RBFOX1: variants seen among roughly 807,000 people sequenced by gnomAD.
The protein encoded by RBFOX1 is RNA binding protein fox-1 homolog 1.
In RBFOX1, 8 loss-of-function variants were observed where a neutral mutation model predicts 57.7. The observed-to-expected ratio is 0.14, with a 90% CI of 0.08 to 0.25. The LOEUF is 0.25. Ranked by LOEUF, RBFOX1 falls within the 10% of genes least tolerant of loss-of-function variation. The pLI, the probability that RBFOX1 is intolerant of heterozygous loss-of-function variation, is 1.00. For synonymous variants in RBFOX1, 326 were observed against 222.4 expected, an observed-to-expected ratio of 1.47 and a Z score of -4.15; for missense variants, 611 against 548.5, an observed-to-expected ratio of 1.11 and a Z score of -1.14.
chr16:6,504,263 T>C (rs1230548254), intron 2 of RBFOX1, among the ~76,000 whole-genome samples: 1 of 152,172 alleles, frequency 6.6e-6, no homozygotes, highest in Admixed American at 6.5e-5. Flanking sequence ...TTCTCCACAG[T>C]CCACCTGTTG....
chr16:6,987,107 G>T (rs74010423), intron 3 of RBFOX1, among the ~76,000 whole-genome samples: 5,389 of 152,176 alleles, frequency 0.035, 333 homozygotes, highest in African/African-American at 0.12. Flanking sequence ...CCATTTATCA[G>T]CGTCTTGTGT....
chr16:5,319,000 G>A (rs1357352322), intron 1 of RBFOX1, among the ~76,000 whole-genome samples: 5 of 152,156 alleles, frequency 3.3e-5, no homozygotes, highest in East Asian at 1.9e-4. Context: ...GGTGGCGTGC[G>A]CCTGTAGTCC....
intron 3 of RBFOX1, among the ~76,000 whole-genome samples, chr16:5,836,694 G>T (rs1049863440): frequency 6.6e-6 from 1 of 152,122 alleles, no homozygotes; most frequent in Non-Finnish European, 1.5e-5. Context: ...TGTCCTGTGT[G>T]TTGTAGGATG....
At chr16:6,314,126 C>G (rs1049731646) in intron 1 of RBFOX1, among the ~76,000 whole-genome samples, 1 of 152,004 alleles carries the variant, frequency 6.6e-6, no homozygotes, top group Non-Finnish European at 1.5e-5. Flanking sequence ...TACGGTAGCA[C>G]CAAAGAAGGC....
At chr16:5,974,788 C>T (rs539330235) in intron 4 of RBFOX1, among the ~76,000 whole-genome samples, 6 of 152,208 alleles carry the variant, frequency 3.9e-5, no homozygotes, top group African/African-American at 1.4e-4. Context: ...GTGGGAGGAT[C>T]ACCTGAGGTC....
chr16:7,031,863 G>T (rs2042887721), intron 3 of RBFOX1, among the ~76,000 whole-genome samples: 1 of 152,160 alleles, frequency 6.6e-6, no homozygotes, highest in Non-Finnish European at 1.5e-5. Context: ...CACACAGGGA[G>T]CTCCACTACC....
At chr16:5,272,445 C>G (rs1254647139) in intron 1 of RBFOX1, among the ~76,000 whole-genome samples, 1 of 152,208 alleles carries the variant, frequency 6.6e-6, no homozygotes, top group African/African-American at 2.4e-5. Context: ...CTCAGGCCCA[C>G]AGAGTCCTTG....
chr16:7,309,388 A>T (rs1442147937), intron 4 of RBFOX1, among the ~76,000 whole-genome samples: 1 of 152,190 alleles, frequency 6.6e-6, no homozygotes, highest in Non-Finnish European at 1.5e-5. Context: ...ACTTAATCCA[A>T]CAATCACTTC....
chr16:5,364,641 T>C (rs952145736), intron 1 of RBFOX1, among the ~76,000 whole-genome samples: 1 of 152,234 alleles, frequency 6.6e-6, no homozygotes, highest in African/African-American at 2.4e-5. Flanking sequence ...AACCCATTCC[T>C]TTATGCCAAG....
At chr16:7,701,379 C>A (rs969654545) in intron 14 of RBFOX1, among the ~76,000 whole-genome samples, 16 of 152,312 alleles carry the variant, frequency 1.1e-4, no homozygotes, top group African/African-American at 3.6e-4. Flanking sequence ...GCTCCACCTC[C>A]TGTCTGACCA....
chr16:6,997,337 G>A (rs1014343461), intron 3 of RBFOX1, among the ~76,000 whole-genome samples: 1 of 152,130 alleles, frequency 6.6e-6, no homozygotes, highest in South Asian at 2.1e-4. Flanking sequence ...GTATGAAGTG[G>A]CATCAGCAAA....
intron 4 of RBFOX1, among the ~76,000 whole-genome samples, chr16:7,355,431 G>C (rs2146245407): frequency 6.6e-6 from 1 of 152,236 alleles, no homozygotes; most frequent in Admixed American, 6.5e-5. Flanking sequence ...CCCACCCAGA[G>C]ACAATACCTG....
At chr16:7,297,774 G>A (rs1240659564) in intron 4 of RBFOX1, among the ~76,000 whole-genome samples, 1 of 152,084 alleles carries the variant, frequency 6.6e-6, no homozygotes, top group African/African-American at 2.4e-5. Flanking sequence ...CATTCTTATT[G>A]TGAAAATCTA....
chr16:7,456,617 T>A (rs766866630), intron 4 of RBFOX1, among the ~76,000 whole-genome samples: 2 of 152,188 alleles, frequency 1.3e-5, no homozygotes, highest in Non-Finnish European at 2.9e-5. Flanking sequence ...GGTATTGTGG[T>A]TGGGAGAACA....
intron 1 of RBFOX1, among the ~76,000 whole-genome samples, chr16:6,251,332 G>A (rs2097609517): frequency 6.6e-6 from 1 of 152,066 alleles, no homozygotes; most frequent in Non-Finnish European, 1.5e-5. Context: ...CTTGTGACAT[G>A]GGTACCATTA....
chr16:7,267,700 C>G (rs2095202107), intron 4 of RBFOX1, among the ~76,000 whole-genome samples: 1 of 151,850 alleles, frequency 6.6e-6, no homozygotes, highest in Admixed American at 6.6e-5. Context: ...ACTAAAAATA[C>G]AAAAAATTAA....
intron 3 of RBFOX1, among the ~76,000 whole-genome samples, chr16:5,665,782 G>A (rs749176183): frequency 3.3e-5 from 5 of 152,274 alleles, no homozygotes; most frequent in Admixed American, 1.3e-4. Context: ...CAGGGGGTTC[G>A]GGCACAGTCG....
At chr16:6,908,450 C>G (rs756444565) in intron 3 of RBFOX1, among the ~76,000 whole-genome samples, 11 of 152,152 alleles carry the variant, frequency 7.2e-5, no homozygotes, top group Non-Finnish European at 1.5e-4. Flanking sequence ...TCTGGTGTGA[C>G]CTCTTCTAGA....
chr16:6,234,046 G>A (rs1346509346), intron 1 of RBFOX1, among the ~76,000 whole-genome samples: 1 of 152,124 alleles, frequency 6.6e-6, no homozygotes, highest in Non-Finnish European at 1.5e-5. Context: ...GTCCTCACAT[G>A]GCAGATGGGC....
Sources: allele counts gnomAD v4.1 joint callset (sites outside exome capture counted in the v4.1 genomes callset), GRCh38; gene constraint gnomAD v4.1.1; transcripts MANE v1.5; gene names NCBI Gene and HGNC (gene_info 2026-07-23, HGNC 2026-07-21).